Variants in GRID2 observed in about 807,000 individuals in gnomAD.
GRID2 encodes the protein glutamate receptor ionotropic, delta-2.
Under a neutral mutation model 114.8 loss-of-function variants are expected in GRID2, and 33 were observed. The ratio of observed to expected loss-of-function variants is 0.29; its 90% CI spans 0.22 to 0.38. GRID2 has a LOEUF of 0.38. Among genes scored for constraint, GRID2 ranks in the 10% least tolerant of loss-of-function variants. The probability of loss-of-function intolerance (pLI) is 1.00; values close to 1 mark genes in which losing one functional copy is unlikely to be tolerated. For missense variants in GRID2, 1,184 were observed against 1,257.7 expected, an observed-to-expected ratio of 0.94 and a Z score of 0.89; for synonymous variants, 505 against 449.9, an observed-to-expected ratio of 1.12 and a Z score of -1.55.
chr4:92,587,098 C>CTCTG (rs1553903911), intron 1 of GRID2, among the ~76,000 whole-genome samples: 2 of 133,764 alleles, frequency 1.5e-5, no homozygotes, highest in Non-Finnish European at 3.2e-5. Context: ...TGATGAAATG[C>CTCTG]TGTGTGTGTG....
At chr4:92,456,275 A>C (rs761047355) in intron 1 of GRID2, among the ~76,000 whole-genome samples, 1 of 152,152 alleles carries the variant, frequency 6.6e-6, no homozygotes, top group Non-Finnish European at 1.5e-5. Context: ...TATATTAGGA[A>C]CTAAATTTTC....
chr4:92,349,336 T>C (rs574158062), intron 1 of GRID2, among the ~76,000 whole-genome samples: 2 of 151,944 alleles, frequency 1.3e-5, no homozygotes, highest in African/African-American at 2.4e-5. Context: ...TTGTCCGTTT[T>C]TAATGAGTAT....
Position 93,365,196 on chromosome 4 carries a change from T to G in GRID2, c.1246-30411T>G, listed in dbSNP as rs1403404948. Reference sequence around the variant, plus strand: ...TACCTCTGAGACTTGAGGGTGATATTCTGATTTGTTTAGGGTGCAATGAGT... The same window carrying G: ...TACCTCTGAGACTTGAGGGTGATATGCTGATTTGTTTAGGGTGCAATGAGT... On this transcript the variant is annotated intron_variant, in intron 8 of 15. Transcript: ENST00000282020. Among the ~76,000 whole-genome samples the G allele has an allele frequency of 2.0e-5, 3 of 152,178 alleles. No individual in the cohort carries two copies. The East Asian group carries it at 5.8e-4, about 29-fold the overall frequency.
At chr4:93,053,115 G>C (rs935832673) in intron 2 of GRID2, among the ~76,000 whole-genome samples, 2 of 151,870 alleles carry the variant, frequency 1.3e-5, no homozygotes, top group Admixed American at 1.3e-4. Flanking sequence ...ACTGAAGCAA[G>C]TTCTACAGCA....
intron 2 of GRID2, among the ~76,000 whole-genome samples, chr4:92,934,577 C>A (rs1750503242): frequency 6.8e-6 from 1 of 146,304 alleles, no homozygotes; most frequent in Non-Finnish European, 1.5e-5. Flanking sequence ...CCTGCATCGC[C>A]AAGTCAATCC....
chr4:92,535,354 T>G (rs1304415610), intron 1 of GRID2, among the ~76,000 whole-genome samples: 2 of 152,160 alleles, frequency 1.3e-5, no homozygotes, highest in Non-Finnish European at 2.9e-5. Context: ...TACTACAATA[T>G]TCTCTTTCCC....
chr4:93,036,562 C>T (rs555057850), intron 2 of GRID2, among the ~76,000 whole-genome samples: 6 of 151,864 alleles, frequency 4.0e-5, no homozygotes, highest in African/African-American at 9.7e-5. Context: ...TTTTGCTTTC[C>T]TTTATTATTT....
chr4:93,517,972 C>A (rs62319523), intron 13 of GRID2, among the ~76,000 whole-genome samples: 1 of 41,556 alleles, frequency 2.4e-5, no homozygotes, highest in African/African-American at 7.6e-5. Flanking sequence ...TATATACATA[C>A]ATGTACATGT....
Position 92,304,544 on chromosome 4 carries a change from A to G in GRID2, c.-113A>G. 1 of 730,118 alleles carries G rather than the reference A, an allele frequency of 1.4e-6. No homozygotes were observed. 45.2% of individuals were successfully genotyped at this position (730,118 alleles called of 1,614,324 possible). A position where few individuals can be genotyped will look rare whatever the true frequency, so the allele number is the denominator to read the frequency against. On this transcript the variant is annotated 5_prime_UTR_variant, in exon 1 of 16. Transcript: ENST00000282020. ...CTTTGCTCTGGCAATAGGAATTTAG[A>G]AAAAAAGAAAAAGCTGCGCTAAACT...
intron 9 of GRID2, among the ~76,000 whole-genome samples, chr4:93,409,808 T>A (rs1766928922): frequency 6.6e-6 from 1 of 152,242 alleles, no homozygotes; most frequent in Non-Finnish European, 1.5e-5. Flanking sequence ...TTACTAGCTT[T>A]GTAACTTCAA....
At chr4:93,453,827 C>T (rs1722941160) in intron 10 of GRID2, among the ~76,000 whole-genome samples, 1 of 151,964 alleles carries the variant, frequency 6.6e-6, no homozygotes, top group African/African-American at 2.4e-5. Context: ...AATTACTGAT[C>T]CATAGTACTT....
intron 14 of GRID2, among the ~76,000 whole-genome samples, chr4:93,644,762 C>G (rs1301928876): frequency 6.6e-6 from 1 of 152,030 alleles, no homozygotes; most frequent in Non-Finnish European, 1.5e-5. Context: ...AGAAAATAGA[C>G]TGGGTCTCAG....
chr4:93,552,193 T>C (rs1206483301), intron 13 of GRID2, among the ~76,000 whole-genome samples: 1 of 152,000 alleles, frequency 6.6e-6, no homozygotes, highest in East Asian at 1.9e-4. Context: ...TCCATGTCCC[T>C]ACAAAGGACA....
chr4:93,361,075 A>G (rs1761839206), intron 8 of GRID2, among the ~76,000 whole-genome samples: 1 of 151,924 alleles, frequency 6.6e-6, no homozygotes, highest in South Asian at 2.1e-4. Flanking sequence ...TTTTTTCATT[A>G]CAATAGGTAA....
At chr4:92,540,630 A>C (rs1165347189) in intron 1 of GRID2, among the ~76,000 whole-genome samples, 1 of 152,216 alleles carries the variant, frequency 6.6e-6, no homozygotes, top group African/African-American at 2.4e-5. Context: ...AATCATTAAA[A>C]AGTCAGGAAA....
intron 8 of GRID2, among the ~76,000 whole-genome samples, chr4:93,292,960 G>A (rs187965791): frequency 6.6e-6 from 1 of 152,176 alleles, no homozygotes; most frequent in Non-Finnish European, 1.5e-5. Context: ...ATTCAGTAAT[G>A]TGGCATCTGC....
chr4:92,410,143 A>G (rs1209773792), intron 1 of GRID2, among the ~76,000 whole-genome samples: 4 of 152,178 alleles, frequency 2.6e-5, no homozygotes. Flanking sequence ...TTCGGAGGAC[A>G]CCCAACATGA....
chr4:92,619,547 A>T (rs1195562407), intron 2 of GRID2, among the ~76,000 whole-genome samples: 2 of 151,568 alleles, frequency 1.3e-5, no homozygotes, highest in African/African-American at 4.8e-5. Context: ...CAAAACTGTT[A>T]TCATTTTTGG....
At chr4:92,698,481 GTAAA>G (rs1002953513) in intron 2 of GRID2, among the ~76,000 whole-genome samples, 1 of 151,714 alleles carries the variant, frequency 6.6e-6, no homozygotes, top group African/African-American at 2.4e-5. Flanking sequence ...AATAAAAATA[GTAAA>G]TAAACTACTG....
Sources: gnomAD v4.1 joint callset for allele counts (sites outside exome capture counted in the v4.1 genomes callset) on GRCh38, gnomAD v4.1.1 for gene constraint, MANE v1.5 for transcripts, NCBI Gene and HGNC (gene_info 2026-07-23, HGNC 2026-07-21) for gene names.